NELL2: variants seen among roughly 807,000 people sequenced by gnomAD.
NELL2 encodes the protein protein kinase C-binding protein NELL2.
NELL2 carries 41 observed loss-of-function variants against 109.6 expected under a neutral mutation model. The observed-to-expected ratio is 0.37, with a 90% confidence interval of 0.29 to 0.49. The LOEUF (loss-of-function observed/expected upper bound fraction) is 0.49, where lower values mean the gene tolerates loss of function less well. NELL2 is among the 20% of genes least tolerant of loss of function. NELL2 has a pLI of 0.98. For missense variants in NELL2, 900 were observed against 1,008.3 expected, an observed-to-expected ratio of 0.89 and a Z score of 1.45; for synonymous variants, 355 against 344.7, an observed-to-expected ratio of 1.03 and a Z score of -0.33.
chr12:44,896,129 TCTCAATGTGG>T (rs1327088856), intron 1 of NELL2, among the ~76,000 whole-genome samples: 1 of 152,108 alleles, frequency 6.6e-6, no homozygotes, highest in Non-Finnish European at 1.5e-5. Context: ...TCAGAGAAGG[TCTCAATGTGG>T]CTAAATTAGA....
intron 19 of NELL2, among the ~76,000 whole-genome samples, chr12:44,513,390 G>A (rs910860279): frequency 5.3e-5 from 8 of 151,930 alleles, no homozygotes; most frequent in Admixed American, 2.0e-4. Flanking sequence ...ATTAATAGAC[G>A]TGAAGAAAAA....
intron 12 of NELL2, among the ~76,000 whole-genome samples, chr12:44,675,478 T>G (rs1948276405): frequency 6.6e-6 from 1 of 152,166 alleles, no homozygotes; most frequent in African/African-American, 2.4e-5. Flanking sequence ...TGCCCCAGGA[T>G]AATTCAAGCT....
intron 15 of NELL2, among the ~76,000 whole-genome samples, chr12:44,552,628 C>A (rs920405702): frequency 6.6e-6 from 1 of 152,112 alleles, no homozygotes; most frequent in African/African-American, 2.4e-5. Context: ...ACTACCAGCT[C>A]TTACCATGTT....
intron 15 of NELL2, among the ~76,000 whole-genome samples, chr12:44,555,443 T>C (rs1044419518): frequency 2.6e-5 from 4 of 152,108 alleles, no homozygotes; most frequent in Admixed American, 1.3e-4. Context: ...ACAATAAACA[T>C]TGAGTGGAAG....
chr12:44,621,817 A>G (rs1380911652), intron 13 of NELL2, among the ~76,000 whole-genome samples: 1 of 152,152 alleles, frequency 6.6e-6, no homozygotes, highest in African/African-American at 2.4e-5. Flanking sequence ...TTTGGAGTTT[A>G]GATCTATAGA....
At chr12:44,680,433 G>C (rs1044811515) in intron 12 of NELL2, among the ~76,000 whole-genome samples, 1 of 151,974 alleles carries the variant, frequency 6.6e-6, no homozygotes, top group Non-Finnish European at 1.5e-5. Context: ...AAATCTATTT[G>C]GGAATACATT....
At chr12:44,824,497 G>A (rs920516687) in intron 2 of NELL2, among the ~76,000 whole-genome samples, 6 of 152,064 alleles carry the variant, frequency 3.9e-5, no homozygotes, top group Middle Eastern at 3.4e-3. Flanking sequence ...ACTATTTATT[G>A]AAGAGACTGT....
upstream of NELL2, among the ~76,000 whole-genome samples, chr12:44,915,016 A>AT (rs1592719982): frequency 7.5e-6 from 1 of 133,546 alleles, no homozygotes; most frequent in East Asian, 2.5e-4. Flanking sequence ...CGCCCGGCTA[A>AT]TTTTTTGTAT....
chr12:44,906,054 CTT>C (rs1452804619), intron 1 of NELL2, among the ~76,000 whole-genome samples: 2 of 151,910 alleles, frequency 1.3e-5, no homozygotes, highest in Non-Finnish European at 2.9e-5. Context: ...GAGAGGTTAA[CTT>C]TTAAAATAGG....
chr12:44,872,735 T>C (rs772768509), intron 2 of NELL2, among the ~76,000 whole-genome samples: 2 of 152,204 alleles, frequency 1.3e-5, no homozygotes, highest in African/African-American at 4.8e-5. Context: ...AAGAAACTTA[T>C]ATGATAGGTT....
At chr12:44,864,679 A>C (rs1018098170) in intron 2 of NELL2, among the ~76,000 whole-genome samples, 12 of 152,232 alleles carry the variant, frequency 7.9e-5, no homozygotes, top group African/African-American at 2.7e-4. Flanking sequence ...AAAATCAATA[A>C]GGAAACATTT....
intron 1 of NELL2, among the ~76,000 whole-genome samples, chr12:44,910,534 T>G (rs533646693): frequency 8.5e-5 from 13 of 152,112 alleles, no homozygotes; most frequent in Admixed American, 7.9e-4. Context: ...TCAACCACTG[T>G]GGAATACAGT....
At chr12:44,687,654 T>G (rs1454674026) in intron 12 of NELL2, among the ~76,000 whole-genome samples, 1 of 152,220 alleles carries the variant, frequency 6.6e-6, no homozygotes, top group African/African-American at 2.4e-5. Context: ...AGCAAGCAGT[T>G]GTTAATTGAC....
intron 15 of NELL2, among the ~76,000 whole-genome samples, chr12:44,536,792 T>C (rs1052030614): frequency 2.6e-5 from 4 of 151,856 alleles, no homozygotes; most frequent in Non-Finnish European, 1.5e-5. Context: ...CAGCTAGCAA[T>C]AGTATTAAAA....
At chr12:44,646,361 T>C (rs554340451) in intron 13 of NELL2, among the ~76,000 whole-genome samples, 1 of 152,284 alleles carries the variant, frequency 6.6e-6, no homozygotes, top group African/African-American at 2.4e-5. Flanking sequence ...GACAGTACAA[T>C]AGAATAGTCT....
intron 9 of NELL2, among the ~76,000 whole-genome samples, chr12:44,715,900 A>G (rs1025413169): frequency 6.6e-6 from 1 of 152,176 alleles, no homozygotes; most frequent in Non-Finnish European, 1.5e-5. Context: ...ATTACCTTTA[A>G]AACTATCAAC....
At chr12:44,641,104 A>T (rs988653271) in intron 13 of NELL2, among the ~76,000 whole-genome samples, 2 of 152,338 alleles carry the variant, frequency 1.3e-5, no homozygotes, top group Non-Finnish European at 2.9e-5. Flanking sequence ...AACAGAAAGA[A>T]GAAAGAAAGA....
intron 15 of NELL2, among the ~76,000 whole-genome samples, chr12:44,558,839 T>G (rs571111784): frequency 1.3e-4 from 19 of 151,988 alleles, no homozygotes; most frequent in African/African-American, 4.1e-4. Context: ...TTCACTACCC[T>G]GGAAAAGGGG....
intron 9 of NELL2, among the ~76,000 whole-genome samples, chr12:44,755,140 CT>C (rs1194200205): frequency 1.3e-5 from 2 of 152,178 alleles, no homozygotes; most frequent in Non-Finnish European, 2.9e-5. Flanking sequence ...ACCTTATGGC[CT>C]TTTGGCTCTC....
Sources: gnomAD v4.1 joint callset for allele counts (sites outside exome capture counted in the v4.1 genomes callset) on GRCh38, gnomAD v4.1.1 for gene constraint, MANE v1.5 for transcripts, NCBI Gene and HGNC (gene_info 2026-07-23, HGNC 2026-07-21) for gene names.